Variants in DAGLA observed in about 807,000 individuals in gnomAD.
The protein encoded by DAGLA is diacylglycerol lipase-alpha.
A neutral mutation model predicts 102.6 loss-of-function variants in DAGLA; 22 were observed. The observed-to-expected ratio is 0.21, with a 90% CI of 0.15 to 0.31. DAGLA has a LOEUF of 0.31. DAGLA is among the 10% of genes least tolerant of loss of function. The pLI, the probability that DAGLA is intolerant of heterozygous loss-of-function variation, is 1.00. For missense variants in DAGLA, 927 were observed against 1,446.6 expected (o/e 0.64, Z 5.83); for synonymous variants, 578 against 628.9 (o/e 0.92, Z 1.21).
At chr11:61,714,499 CT>C (rs1015086638) in intron 1 of DAGLA, among the ~76,000 whole-genome samples, 2 of 152,356 alleles carry the variant, frequency 1.3e-5, no homozygotes, top group South Asian at 4.1e-4. Flanking sequence ...ATGTTGCTGG[CT>C]TCTAGGAGGG....
Position 61,684,471 on chromosome 11 carries a change from G to C in DAGLA, c.-45+3967G>C, listed in dbSNP as rs991572072. On this transcript the variant is annotated intron_variant, in intron 1 of 19. Transcript: ENST00000257215. The surrounding 1 kb of genome is among the most constrained non-coding windows in gnomAD (Gnocchi z 4.5). ...GGGTTGGATGGGAAGCGTGAGTGTGGGTGTGGACGTGGGTTGTGTGTGTGG... is the reference window on the plus strand; with the variant it reads ...GGGTTGGATGGGAAGCGTGAGTGTGCGTGTGGACGTGGGTTGTGTGTGTGG... Among the ~76,000 whole-genome samples the C allele has an allele frequency of 6.6e-6, 1 of 152,126 alleles. No homozygotes were observed. The highest frequency in any genetic ancestry group is 1.5e-5 in the Non-Finnish European group (1 of 68,032).
At chr11:61,698,555 G>A (rs1426928897) in intron 1 of DAGLA, among the ~76,000 whole-genome samples, 6 of 152,192 alleles carry the variant, frequency 3.9e-5, no homozygotes, top group Admixed American at 6.5e-5. Flanking sequence ...AGTTTCCAAA[G>A]GAAAGGAAAC....
intron 1 of DAGLA, among the ~76,000 whole-genome samples, chr11:61,706,393 C>T (rs1401976982): frequency 6.6e-6 from 1 of 152,220 alleles, no homozygotes; most frequent in Non-Finnish European, 1.5e-5. Context: ...GACCTGGTGT[C>T]TGCACCCCAC....
At position 61,744,321 on chromosome 11, in the gene DAGLA, A is replaced by G; in HGVS notation, c.2961A>G (p.Ser987=). ...CAGCCGACCCCTCCTCGGGCATCTC[A>G]CTCTCGCCCTCCTTCCCGCTCAGCT... ...AGSADPSSGI[S]LSPSFPLSSS... is the part of the protein sequence containing the mutation. Residue 987 remains serine (S), a synonymous_variant, in exon 20 of 20, where the codon TCA becomes TCG. Transcript: ENST00000257215. 1.2e-6 allele frequency: 2 copies of G among 1,610,416 alleles called. No homozygotes were observed. Among genetic ancestry groups the G allele is most frequent in the Middle Eastern group, 1.7e-4 (1 of 6,052 alleles).
At chr11:61,681,722 G>C (rs540887516) in intron 1 of DAGLA, among the ~76,000 whole-genome samples, 1 of 152,170 alleles carries the variant, frequency 6.6e-6, no homozygotes, top group African/African-American at 2.4e-5. Context: ...CCACCCCCAG[G>C]CTTAAATTCC....
chr11:61,725,356 G>C (rs1352190909), intron 5 of DAGLA, among the ~76,000 whole-genome samples: 1 of 152,160 alleles, frequency 6.6e-6, no homozygotes, highest in Non-Finnish European at 1.5e-5. Flanking sequence ...GGATGGGGTT[G>C]GGGGGTGAGA....
intron 5 of DAGLA, among the ~76,000 whole-genome samples, chr11:61,725,548 T>A (rs1449658490): frequency 1.3e-5 from 2 of 152,210 alleles, no homozygotes; most frequent in Non-Finnish European, 1.5e-5. Context: ...GGAAGGTCTG[T>A]TCCAGGCCTT....
At chr11:61,693,035 A>G (rs544266012) in intron 1 of DAGLA, among the ~76,000 whole-genome samples, 1 of 146,646 alleles carries the variant, frequency 6.8e-6, no homozygotes, top group Non-Finnish European at 1.5e-5. Context: ...TTTTGGTGAG[A>G]TTGAGTCTCA....
At chr11:61,741,377 C>T (rs765649160) in intron 19 of DAGLA, 28 bp downstream of exon 19, 2 of 1,593,210 alleles carry the variant, frequency 1.3e-6, no homozygotes, top group Admixed American at 1.7e-5. Flanking sequence ...CCAGCCCCAC[C>T]CCAGGGTGAG....
At position 61,684,978 on chromosome 11, in the gene DAGLA, C is replaced by G. The variant is rs2064975494; in HGVS notation, c.-45+4474C>G. ...TTTCTCAGTATTCCTTAGAAGGAAGCTGGGCTGCAGGCGGGGCTCTCACAC... is the reference window on the plus strand; with the variant it reads ...TTTCTCAGTATTCCTTAGAAGGAAGGTGGGCTGCAGGCGGGGCTCTCACAC... On this transcript the variant is annotated intron_variant, in intron 1 of 19. Coordinates refer to ENST00000257215, the MANE Select transcript of DAGLA (RefSeq NM_006133.3). This position sits in a 1 kb window ranked among gnomAD's most constrained non-coding sequence, Gnocchi z 4.5. Among the ~76,000 whole-genome samples, 1 of 152,098 alleles carries G rather than the reference C, an allele frequency of 6.6e-6. No homozygotes were observed. The highest frequency in any genetic ancestry group is 2.1e-4 in the South Asian group (1 of 4,828).
At chr11:61,729,732 C>T (rs1310575610) in intron 8 of DAGLA, among the ~76,000 whole-genome samples, 1 of 152,136 alleles carries the variant, frequency 6.6e-6, no homozygotes. Context: ...CAGGAAGCCT[C>T]GGTGCCAGCC....
chr11:61,702,592 G>A (rs1306922084), intron 1 of DAGLA, among the ~76,000 whole-genome samples: 3 of 152,172 alleles, frequency 2.0e-5, no homozygotes, highest in Non-Finnish European at 2.9e-5. Context: ...ATTTCCCCAG[G>A]TCCTTCCCCT....
At chr11:61,687,774 C>T (rs1301277585) in intron 1 of DAGLA, among the ~76,000 whole-genome samples, 4 of 152,206 alleles carry the variant, frequency 2.6e-5, no homozygotes, top group Admixed American at 2.6e-4. Context: ...GCACAGGTGC[C>T]AGGCACCAAG....
At chr11:61,709,693 C>T (rs2065178043) in intron 1 of DAGLA, among the ~76,000 whole-genome samples, 1 of 152,158 alleles carries the variant, frequency 6.6e-6, no homozygotes, top group Non-Finnish European at 1.5e-5. Context: ...CAGGTGCCAC[C>T]TCCCTCTCCA....
chr11:61,729,923 A>T (rs1791795), intron 8 of DAGLA, among the ~76,000 whole-genome samples: 1 of 151,774 alleles, frequency 6.6e-6, no homozygotes, highest in Non-Finnish European at 1.5e-5. Flanking sequence ...AAAAAAAAAA[A>T]TTAGCCAAGC....
intron 1 of DAGLA, among the ~76,000 whole-genome samples, chr11:61,698,485 C>T (rs2065083970): frequency 1.3e-5 from 2 of 152,214 alleles, no homozygotes; most frequent in Non-Finnish European, 2.9e-5. Flanking sequence ...GGGGAGGCAG[C>T]CTGCAAGCCT....
rs374106789 is a variant in DAGLA at position 61,743,660 on chromosome 11, C to T, written c.2300C>T (p.Ala767Val). The part of the protein sequence containing the change: ...LLLLSTQERL[A>V]AELQARRAPL... ...CTGCTGTCTACCCAGGAGCGGCTGG[C>T]GGCGGAGCTGCAGGCCCGGCGGGCA... The change falls in exon 20 of 20, where the codon GCG (alanine) becomes GTG (valine). Residue 767 changes from alanine to valine, a missense_variant. This residue lies in a region of DAGLA where 434 missense variants were observed against 503.3 expected (regional missense o/e 0.86). Coordinates refer to ENST00000257215, the MANE Select transcript of DAGLA (RefSeq NM_006133.3). 6.0e-5 allele frequency: 96 copies of T among 1,598,322 alleles called. No individual in the cohort carries two copies. Among genetic ancestry groups the T allele is most frequent in the Non-Finnish European group, 3.8e-5 (45 of 1,175,840 alleles).
rs2065474162 is a variant in DAGLA, at chr11:61,741,046, A to G, written c.1984-116A>G. 2.0e-5 allele frequency: 20 copies of G among 991,896 alleles called. No individual in the cohort carries two copies. The South Asian group carries it at 3.1e-4, about 15-fold the overall frequency. The allele number at this position is 991,896 out of a possible 1,614,324, so 61.4% of individuals were successfully genotyped here. ...CTCAGGAGGAGGAGAGTGGGACCCA[A>G]GTGACTCCATGAGGCTTTGCTTGGC... is the stretch of plus-strand genomic sequence containing the variant. On this transcript the variant is annotated intron_variant, in intron 18 of 19. Transcript: ENST00000257215.
intron 1 of DAGLA, among the ~76,000 whole-genome samples, chr11:61,711,823 G>A (rs1268375569): frequency 6.6e-6 from 1 of 152,234 alleles, no homozygotes; most frequent in Non-Finnish European, 1.5e-5. Context: ...TGCAACCTCA[G>A]GCCTGGCTCT....
Sources: allele counts gnomAD v4.1 joint callset (sites outside exome capture counted in the v4.1 genomes callset), GRCh38; gene constraint gnomAD v4.1.1; regional missense constraint gnomAD v4.1.1; non-coding constraint Gnocchi (gnomAD v3.1); transcripts MANE v1.5; gene names NCBI Gene and HGNC (gene_info 2026-07-23, HGNC 2026-07-21).